The following PKD1L1 variants were observed in gnomAD, a reference collection of about 807,000 sequenced individuals.
PKD1L1 encodes polycystin-1-like protein 1.
A neutral mutation model predicts 323.4 loss-of-function variants in PKD1L1; 236 were observed. The observed-to-expected ratio is 0.73, with a 90% CI of 0.66 to 0.81. The LOEUF is 0.81. PKD1L1 is among the 40% of genes least tolerant of loss of function. PKD1L1 has a pLI of 0.00. For missense variants in PKD1L1, 3,320 were observed against 3,508.0 expected, an observed-to-expected ratio of 0.95 and a Z score of 1.35; for synonymous variants, 1,344 against 1,335.0, an observed-to-expected ratio of 1.01 and a Z score of -0.15.
At chr7:47,864,628 C>CTTTCTTTCTT (rs1562964084) in intron 26 of PKD1L1, among the ~76,000 whole-genome samples, 10 of 139,282 alleles carry the variant, frequency 7.2e-5, no homozygotes, top group Non-Finnish European at 1.5e-4. Flanking sequence ...TTCTTTCTTT[C>CTTTCTTTCTT]TTTCTTTCCT....
intron 56 of PKD1L1, among the ~76,000 whole-genome samples, chr7:47,790,941 G>T (rs13240669): frequency 0.55 from 83,549 of 151,562 alleles, 23,387 homozygotes; most frequent in East Asian, 0.63. Flanking sequence ...TCACTATATT[G>T]CTCAGGCTGG....
Position 47,819,363 on chromosome 7 carries a change from C to T in PKD1L1, c.6965+1713G>A, listed in dbSNP as rs1201805655. 5 of 357,290 alleles carry T rather than the reference C, an allele frequency of 1.4e-5. No individual in the cohort carries two copies. The Admixed American group carries it at 1.6e-4, about 11-fold the overall frequency. The allele number at this position is 357,290 out of a possible 1,614,324, so 22.1% of individuals were successfully genotyped here. On this transcript the variant is annotated intron_variant, in intron 46 of 56. Coordinates refer to ENST00000289672, the MANE Select transcript of PKD1L1 (RefSeq NM_138295.5). Reference sequence around the variant, plus strand: ...TATTTCTGATTTGAATATCAAGAAGCAACAATTCATATGAGAAATATGTCA... The same window carrying T: ...TATTTCTGATTTGAATATCAAGAAGTAACAATTCATATGAGAAATATGTCA...
chr7:47,894,348 T>C (rs1353632515), intron 14 of PKD1L1, among the ~76,000 whole-genome samples: 3 of 152,126 alleles, frequency 2.0e-5, no homozygotes, highest in African/African-American at 4.8e-5. Flanking sequence ...GTGTGCACAT[T>C]TTATAGTTTT....
chr7:47,844,652 C>G (rs561881873), intron 33 of PKD1L1, among the ~76,000 whole-genome samples: 6 of 152,288 alleles, frequency 3.9e-5, no homozygotes, highest in African/African-American at 1.4e-4. Context: ...CCAGGACAGG[C>G]TCTTTAGGTA....
intron 34 of PKD1L1, among the ~76,000 whole-genome samples, chr7:47,842,520 C>T (rs1446859148): frequency 1.3e-5 from 2 of 152,144 alleles, no homozygotes; most frequent in Non-Finnish European, 1.5e-5. Flanking sequence ...CACAGCTCAC[C>T]GCGGCACCCC....
intron 8 of PKD1L1, among the ~76,000 whole-genome samples, chr7:47,909,389 C>G (rs142759699): frequency 6.6e-6 from 1 of 152,150 alleles, no homozygotes; most frequent in South Asian, 2.1e-4. Context: ...CTCAGACGGC[C>G]GGTCTCCATC....
At chr7:47,954,800 G>A in the PKD1L1 span, among the ~76,000 whole-genome samples, 1 of 152,194 alleles carries the variant, frequency 6.6e-6, no homozygotes, top group Non-Finnish European at 1.5e-5. Context: ...ACTGTCTCAA[G>A]AGGCTGAATG....
In PKD1L1 at chr7:47,774,853, G is replaced by A; in HGVS notation, c.*290C>T. Reference sequence around the variant, plus strand: ...GTAAAACAAACAAATAAGACAATATGTAACTCTAGGGCAACTGGCAAATTA... The same window carrying A: ...GTAAAACAAACAAATAAGACAATATATAACTCTAGGGCAACTGGCAAATTA... On this transcript the variant is annotated 3_prime_UTR_variant, in exon 57 of 57. Coordinates refer to ENST00000289672, the MANE Select transcript of PKD1L1 (RefSeq NM_138295.5). The A allele has an allele frequency of 3.0e-6, 1 of 330,586 alleles. No individual in the cohort carries two copies. Among genetic ancestry groups the A allele is most frequent in the Non-Finnish European group, 5.5e-6 (1 of 181,856 alleles). 20.5% of individuals were successfully genotyped at this position (330,586 alleles called of 1,614,324 possible).
At position 47,857,675 on chromosome 7, in the gene PKD1L1, C is replaced by T. The variant is rs1785933794; in HGVS notation, c.4520G>A (p.Ser1507Asn). 2.5e-6 allele frequency: 4 copies of T among 1,614,204 alleles called. No homozygotes were observed. The highest frequency in any genetic ancestry group is 3.4e-6 in the Non-Finnish European group (4 of 1,180,040). Residue 1507 changes from serine to asparagine, a missense_variant, in exon 28 of 57, where the codon AGC becomes AAC. Ser to Asn is a conservative substitution (Grantham distance 46). Transcript: ENST00000289672. Reference protein sequence around the residue: ...GHSPAGAETQSPCYISQLILF... With the variant: ...GHSPAGAETQNPCYISQLILF... ...TATGAGCTGGCTAATGTAGCATGGG[C>T]TCTGTGTCTCCGCCCCAGCAGGACT...
intron 52 of PKD1L1, among the ~76,000 whole-genome samples, chr7:47,803,830 C>T (rs1022736050): frequency 2.0e-5 from 3 of 152,206 alleles, no homozygotes; most frequent in African/African-American, 4.8e-5. Context: ...ACGGGAGGCA[C>T]TCCACTTTAT....
At position 47,855,152 on chromosome 7, in the gene PKD1L1, T is replaced by C; in HGVS notation, c.4701+3A>G. ...TAGAGATACTGAGAAAGGCTCTCCT[T>C]ACCAGGCCATCCTCCTCCCCAAACT... On this transcript the variant is annotated splice_donor_region_variant and intron_variant, in intron 29 of 56. Coordinates refer to ENST00000289672, the MANE Select transcript of PKD1L1 (RefSeq NM_138295.5). The C allele has an allele frequency of 6.2e-7, 1 of 1,613,826 alleles. No homozygotes were observed. Among genetic ancestry groups the C allele is most frequent in the Non-Finnish European group, 8.5e-7 (1 of 1,179,726 alleles).
chr7:47,847,475 C>T (rs776526783), intron 31 of PKD1L1, among the ~76,000 whole-genome samples: 45 of 152,114 alleles, frequency 3.0e-4, no homozygotes, highest in Non-Finnish European at 5.3e-4. Context: ...AGCCAGCCTG[C>T]GAAATTTCAG....
rs761999526 is a variant in PKD1L1, at chr7:47,884,604, G to A, written c.3259C>T (p.Gln1087Ter). The A allele has an allele frequency of 1.2e-6, 2 of 1,613,772 alleles. No homozygotes were observed. The highest frequency in any genetic ancestry group is 2.7e-5 in the African/African-American group (2 of 74,912). Residue 1087 changes from glutamine to a stop codon, truncating the protein, a stop_gained, in exon 19 of 57, where the codon CAG becomes TAG. Transcript: ENST00000289672. LOFTEE classifies it high-confidence loss of function. ...GGCATAGAAGCACAGTCACCTGGCTGTCTTCCTCCCGATGGTATTGCTTCT... is the reference window on the plus strand; with the variant it reads ...GGCATAGAAGCACAGTCACCTGGCTATCTTCCTCCCGATGGTATTGCTTCT... ...IQEAIPSGGR[Q>*]PAKDTSFPGS...
In PKD1L1 at chr7:47,898,023, T is replaced by C. The variant is rs773193480; in HGVS notation, c.2236A>G (p.Thr746Ala). The change falls in exon 14 of 57, where the codon ACC (threonine) becomes GCC (alanine). Residue 746 changes from threonine (T) to alanine (A), a missense_variant. Thr to Ala is a moderately conservative substitution (Grantham distance 58). Transcript: ENST00000289672. The stretch of plus-strand genomic sequence containing the variant: ...GCAGTGTAGTTCCCATACTCCAAGG[T>C]GTGGCTCGGGAGGATGAGGGTCTGT... The part of the protein sequence containing the change: ...HRQTLILPSH[T>A]LEYGNYTALA... 6.2e-7 allele frequency: 1 copy of C among 1,612,880 alleles called. No homozygotes were observed. The highest frequency in any genetic ancestry group is 8.5e-7 in the Non-Finnish European group (1 of 1,179,890).
At chr7:47,900,535 C>A (rs1355953537) in intron 13 of PKD1L1, among the ~76,000 whole-genome samples, 2 of 152,152 alleles carry the variant, frequency 1.3e-5, no homozygotes, top group African/African-American at 2.4e-5. Context: ...TCAAGACCAG[C>A]CTGACCAACA....
chr7:47,835,290 C>T (rs769082772), intron 37 of PKD1L1, 47 bp from the exon 38 acceptor site: 6 of 1,201,722 alleles, frequency 5.0e-6, no homozygotes, highest in East Asian at 2.4e-5. Flanking sequence ...ATATGAGTCC[C>T]GCTTAAAACG....
chr7:47,859,358 C>G (rs1040889539), intron 26 of PKD1L1, among the ~76,000 whole-genome samples: 1 of 152,136 alleles, frequency 6.6e-6, no homozygotes, highest in African/African-American at 2.4e-5. Context: ...CCCAAAGAAT[C>G]GAGGCTTTTT....
At chr7:47,812,085 CA>C in intron 49 of PKD1L1, 34 bp from the exon 50 acceptor site, 1 of 1,530,356 alleles carries the variant, frequency 6.5e-7, no homozygotes, top group Non-Finnish European at 8.9e-7. Flanking sequence ...TAGGGCAGGG[CA>C]GGGAGAAAGG....
chr7:47,913,624 T>C (rs1787369673), intron 8 of PKD1L1, among the ~76,000 whole-genome samples: 1 of 152,196 alleles, frequency 6.6e-6, no homozygotes, highest in Admixed American at 6.5e-5. Context: ...CTACTCCGGC[T>C]ATGTAACGTG....
Sources: gnomAD v4.1 joint callset for allele counts (sites outside exome capture counted in the v4.1 genomes callset) on GRCh38, gnomAD v4.1.1 for gene constraint, MANE v1.5 for transcripts, NCBI Gene and HGNC (gene_info 2026-07-23, HGNC 2026-07-21) for gene names.